The following PPP1R12A variants were observed in gnomAD, a reference collection of about 807,000 sequenced individuals.
PPP1R12A encodes myosin binding subunit.
In PPP1R12A, 19 loss-of-function variants were observed where a neutral mutation model predicts 139.6. That is an observed-to-expected ratio of 0.14 (90% CI 0.09 to 0.20). The LOEUF (loss-of-function observed/expected upper bound fraction) is 0.20, where lower values mean the gene tolerates loss of function less well. Among genes scored for constraint, PPP1R12A ranks in the 10% least tolerant of loss-of-function variants. PPP1R12A has a pLI of 1.00. For synonymous variants in PPP1R12A, 427 were observed against 420.6 expected (o/e 1.02, Z -0.19); for missense variants, 925 against 1,211.5 (o/e 0.76, Z 3.51).
At chr12:79,872,058 T>C (rs1016046341) in intron 2 of PPP1R12A, among the ~76,000 whole-genome samples, 3 of 151,768 alleles carry the variant, frequency 2.0e-5, no homozygotes, top group Non-Finnish European at 4.4e-5. Flanking sequence ...CCAGCACAAA[T>C]GGGGAAAAAA....
intron 2 of PPP1R12A, among the ~76,000 whole-genome samples, chr12:79,869,187 T>C (rs766086028): frequency 6.6e-6 from 1 of 152,220 alleles, no homozygotes; most frequent in Non-Finnish European, 1.5e-5. Context: ...ATTGAGCCAG[T>C]GTATGAAGAG....
At chr12:79,871,088 A>G (rs1300108011) in intron 2 of PPP1R12A, among the ~76,000 whole-genome samples, 1 of 152,228 alleles carries the variant, frequency 6.6e-6, no homozygotes, top group Non-Finnish European at 1.5e-5. Flanking sequence ...GGCTAAGAAT[A>G]AAGTCCATTT....
chr12:79,933,927 A>C (rs1486515808), intron 1 of PPP1R12A, among the ~76,000 whole-genome samples: 1 of 152,186 alleles, frequency 6.6e-6, no homozygotes, highest in Non-Finnish European at 1.5e-5. Flanking sequence ...TCTCTTTCTA[A>C]CACCAGTGCA....
At chr12:79,922,982 T>A (rs1028751193) in intron 1 of PPP1R12A, among the ~76,000 whole-genome samples, 5 of 152,128 alleles carry the variant, frequency 3.3e-5, no homozygotes, top group Middle Eastern at 3.2e-3. Flanking sequence ...AGTAAAAATG[T>A]ACATGGTATA....
At chr12:79,869,211 A>G (rs755014604) in intron 2 of PPP1R12A, among the ~76,000 whole-genome samples, 2 of 152,210 alleles carry the variant, frequency 1.3e-5, no homozygotes, top group African/African-American at 4.8e-5. Flanking sequence ...TCATTCATCT[A>G]CCTATTCACT....
At chr12:79,894,183 A>C (rs1198447028) in intron 1 of PPP1R12A, among the ~76,000 whole-genome samples, 14 of 152,202 alleles carry the variant, frequency 9.2e-5, no homozygotes, top group Admixed American at 5.9e-4. Flanking sequence ...ATAGCATATA[A>C]TGTTCTGTTA....
intron 1 of PPP1R12A, among the ~76,000 whole-genome samples, chr12:79,883,916 A>T (rs1883873847): frequency 6.6e-6 from 1 of 152,184 alleles, no homozygotes; most frequent in Non-Finnish European, 1.5e-5. Flanking sequence ...TATCAAAAGG[A>T]ATATGGTAAG....
chr12:79,883,573 AATTTT>A lies in PPP1R12A; in HGVS notation c.238-10640_238-10636del, dbSNP rs146122374. Among the ~76,000 whole-genome samples, 797 of 152,302 alleles carry A rather than the reference AATTTT, an allele frequency of 5.2e-3. 8 individuals carry two copies. Among genetic ancestry groups the A allele is most frequent in the African/African-American group, 0.017 (713 of 41,560 alleles). On this transcript the variant is annotated intron_variant, in intron 1 of 24. Coordinates refer to ENST00000450142, the MANE Select transcript of PPP1R12A (RefSeq NM_002480.3). Reference sequence around the variant, plus strand: ...AGCAGACTGGGAAAAGAAAGATGACAATTTTATTTGTTTTGGATATGCTGAATTTA... The same window carrying A: ...AGCAGACTGGGAAAAGAAAGATGACAATTTGTTTTGGATATGCTGAATTTA...
At chr12:79,923,901 G>A (rs558780791) in intron 1 of PPP1R12A, among the ~76,000 whole-genome samples, 24 of 152,090 alleles carry the variant, frequency 1.6e-4, no homozygotes, top group East Asian at 5.8e-4. Context: ...AAAATTAGCC[G>A]GGCGTGGTGG....
intron 1 of PPP1R12A, among the ~76,000 whole-genome samples, chr12:79,874,550 A>G (rs1316024533): frequency 2.6e-5 from 4 of 152,092 alleles, no homozygotes; most frequent in Admixed American, 1.3e-4. Flanking sequence ...AATTAATTGT[A>G]TTTTAAATCC....
Position 79,807,296 on chromosome 12 carries a change from T to C in PPP1R12A, c.1585A>G (p.Thr529Ala). 6.4e-7 allele frequency: 1 copy of C among 1,555,880 alleles called. No homozygotes were observed. Among genetic ancestry groups the C allele is most frequent in the East Asian group, 2.4e-5 (1 of 42,412 alleles). The stretch of plus-strand genomic sequence containing the variant: ...AGATCATCTTCCCATTTTCTCCTTG[T>C]ATATGAACTACTTGTTCGCAAACTT... ...SSSLRTSSSY[T>A]RRKWEDDLKK... is the part of the protein sequence containing the mutation. The change falls in exon 12 of 25, where the codon ACA becomes GCA. Residue 529 changes from threonine to alanine, a missense_variant. This residue lies in a region of PPP1R12A where 403 missense variants were observed against 463.7 expected (regional missense o/e 0.87). Transcript: ENST00000450142.
intron 22 of PPP1R12A, among the ~76,000 whole-genome samples, chr12:79,783,866 T>C (rs1870783309): frequency 6.6e-6 from 1 of 152,226 alleles, no homozygotes; most frequent in Non-Finnish European, 1.5e-5. Flanking sequence ...CAGTTAAAGC[T>C]GTTAAAATCA....
intron 1 of PPP1R12A, among the ~76,000 whole-genome samples, chr12:79,914,358 A>C (rs1886826310): frequency 6.6e-6 from 1 of 152,040 alleles, no homozygotes; most frequent in South Asian, 2.1e-4. Flanking sequence ...TAATATAATC[A>C]GAATATTAAC....
intron 2 of PPP1R12A, among the ~76,000 whole-genome samples, chr12:79,869,882 C>G (rs1332904459): frequency 1.3e-5 from 2 of 150,388 alleles, no homozygotes; most frequent in Non-Finnish European, 2.9e-5. Flanking sequence ...TTTCTTACCC[C>G]CTGGGTTATA....
At chr12:79,925,650 A>G (rs1250594422) in intron 1 of PPP1R12A, among the ~76,000 whole-genome samples, 1 of 152,186 alleles carries the variant, frequency 6.6e-6, no homozygotes, top group African/African-American at 2.4e-5. Context: ...TATACAACAC[A>G]TGACAATGTG....
chr12:79,795,608 A>G, intron 18 of PPP1R12A, 30 bp downstream of exon 18: 1 of 1,587,406 alleles, frequency 6.3e-7, no homozygotes, highest in Non-Finnish European at 8.6e-7. Context: ...CAAGAATACT[A>G]TCAAATAATG....
At chr12:79,787,584 T>C (rs891785854) in intron 21 of PPP1R12A, 9 of 152,398 alleles carry the variant, frequency 5.9e-5, no homozygotes, top group African/African-American at 1.9e-4. Flanking sequence ...TGTTCTCAGC[T>C]CACTGCAACC....
chr12:79,895,157 T>C (rs745459549), intron 1 of PPP1R12A, among the ~76,000 whole-genome samples: 13 of 152,092 alleles, frequency 8.5e-5, no homozygotes, highest in Non-Finnish European at 1.6e-4. Context: ...ATTAAGAAAT[T>C]ATGCCCTGTA....
intron 3 of PPP1R12A, among the ~76,000 whole-genome samples, chr12:79,844,258 T>C (rs1009832908): frequency 1.4e-4 from 22 of 152,178 alleles, no homozygotes; most frequent in African/African-American, 5.1e-4. Flanking sequence ...ATTTTGTAAC[T>C]GCAGACTCGC....
Sources: gnomAD v4.1 joint callset for allele counts (sites outside exome capture counted in the v4.1 genomes callset) on GRCh38, gnomAD v4.1.1 for gene constraint, gnomAD v4.1.1 regional missense constraint, MANE v1.5 for transcripts, NCBI Gene and HGNC (gene_info 2026-07-23, HGNC 2026-07-21) for gene names.